The following TENM3 variants were observed in gnomAD, a reference collection of about 807,000 sequenced individuals.
TENM3 encodes teneurin transmembrane protein 3.
TENM3 carries 63 observed loss-of-function variants against 255.1 expected under a neutral mutation model. The observed-to-expected ratio is 0.25, with a 90% CI of 0.20 to 0.30. TENM3 has a LOEUF of 0.30. Among genes scored for constraint, TENM3 ranks in the 10% least tolerant of loss-of-function variants. The probability of loss-of-function intolerance (pLI) is 1.00; values close to 1 mark genes in which losing one functional copy is unlikely to be tolerated. For synonymous variants in TENM3, 1,306 were observed against 1,322.3 expected (o/e 0.99, Z 0.27); for missense variants, 2,929 against 3,461.1 (o/e 0.85, Z 3.86).
chr4:181,672,637 A>G, the TENM3 span, among the ~76,000 whole-genome samples: 3 of 151,684 alleles, frequency 2.0e-5, no homozygotes, highest in African/African-American at 4.9e-5. Flanking sequence ...TGTTAGCATG[A>G]TGTGTTTTCA....
intron 6 of TENM3, among the ~76,000 whole-genome samples, chr4:182,667,805 G>C (rs927837197): frequency 6.6e-6 from 1 of 151,710 alleles, no homozygotes; most frequent in Admixed American, 6.6e-5. Context: ...ATCATGGGGT[G>C]GGGGGAGTGG....
chr4:182,640,044 C>T (rs1351403614), intron 5 of TENM3, among the ~76,000 whole-genome samples: 1 of 152,160 alleles, frequency 6.6e-6, no homozygotes, highest in Non-Finnish European at 1.5e-5. Context: ...GAGCTGAGAT[C>T]GTGCCACTGC....
the TENM3 span, among the ~76,000 whole-genome samples, chr4:182,089,531 A>G: frequency 6.6e-6 from 1 of 152,202 alleles, no homozygotes; most frequent in Non-Finnish European, 1.5e-5. Flanking sequence ...GCTGGCCACA[A>G]TAATTAACAA....
the TENM3 span, among the ~76,000 whole-genome samples, chr4:182,128,609 A>C: frequency 2.0e-5 from 3 of 152,216 alleles, no homozygotes; most frequent in Non-Finnish European, 4.4e-5. Flanking sequence ...TTATTAACTT[A>C]CTGTTCTTTT....
chr4:182,547,649 A>C (rs1334723759), intron 3 of TENM3, among the ~76,000 whole-genome samples: 40 of 152,094 alleles, frequency 2.6e-4, no homozygotes. Flanking sequence ...AGTTCTATCC[A>C]ATGCTCACTC....
At chr4:182,577,199 G>C (rs1745016113) in intron 3 of TENM3, among the ~76,000 whole-genome samples, 1 of 152,184 alleles carries the variant, frequency 6.6e-6, no homozygotes, top group Admixed American at 6.6e-5. Flanking sequence ...TCATCTCTTA[G>C]ATTATTTACC....
chr4:182,696,285 G>A (rs1056611363), intron 12 of TENM3, among the ~76,000 whole-genome samples: 20 of 152,156 alleles, frequency 1.3e-4, no homozygotes, highest in South Asian at 4.2e-4. Flanking sequence ...GTAAACTATC[G>A]CATAGAATAT....
chr4:181,701,427 G>A, the TENM3 span, among the ~76,000 whole-genome samples: 1 of 152,318 alleles, frequency 6.6e-6, no homozygotes, highest in African/African-American at 2.4e-5. Flanking sequence ...ATTTAGCCAT[G>A]AGCTCACACT....
At chr4:182,095,111 GTA>G in the TENM3 span, among the ~76,000 whole-genome samples, 1 of 152,208 alleles carries the variant, frequency 6.6e-6, no homozygotes, top group Non-Finnish European at 1.5e-5. Flanking sequence ...GTGGAAAACA[GTA>G]TGGAGATTCC....
the TENM3 span, among the ~76,000 whole-genome samples, chr4:181,448,960 T>C: frequency 2.6e-5 from 4 of 152,130 alleles, no homozygotes; most frequent in Non-Finnish European, 4.4e-5. Flanking sequence ...ACCCTCTGAG[T>C]GTTCAACTAT....
chr4:182,456,949 G>A (rs898474641), intron 3 of TENM3, among the ~76,000 whole-genome samples: 12 of 152,104 alleles, frequency 7.9e-5, no homozygotes, highest in Non-Finnish European at 1.8e-4. Context: ...TTGGGAGGCC[G>A]AGGCAAGTGG....
the TENM3 span, among the ~76,000 whole-genome samples, chr4:181,590,125 A>G: frequency 6.6e-6 from 1 of 152,166 alleles, no homozygotes; most frequent in Admixed American, 6.5e-5. Context: ...TCGTACCCAC[A>G]AGTCCTTTTA....
At chr4:181,778,450 G>A in the TENM3 span, among the ~76,000 whole-genome samples, 14 of 152,078 alleles carry the variant, frequency 9.2e-5, no homozygotes, top group Admixed American at 3.9e-4. Context: ...GATGAAGAAC[G>A]GGAAAACTTA....
chr4:182,746,674 T>C (rs1762033892), intron 19 of TENM3, among the ~76,000 whole-genome samples: 1 of 152,180 alleles, frequency 6.6e-6, no homozygotes, highest in Non-Finnish European at 1.5e-5. Context: ...GAGTTCAAAA[T>C]GATTGAACAT....
At chr4:181,515,534 C>T in the TENM3 span, among the ~76,000 whole-genome samples, 6 of 151,874 alleles carry the variant, frequency 4.0e-5, no homozygotes, top group Non-Finnish European at 7.4e-5. Flanking sequence ...ATATCAGAGT[C>T]GAGTCCCAAA....
At chr4:181,495,563 GA>G in the TENM3 span, among the ~76,000 whole-genome samples, 9 of 148,324 alleles carry the variant, frequency 6.1e-5, no homozygotes, top group African/African-American at 2.2e-4. Context: ...ACACGAGAGA[GA>G]GAGAGAGAGA....
At chr4:181,642,071 A>G in the TENM3 span, among the ~76,000 whole-genome samples, 2 of 151,720 alleles carry the variant, frequency 1.3e-5, no homozygotes, top group East Asian at 2.0e-4. Context: ...TGATTGAACT[A>G]ATTTACACTC....
At chr4:182,232,430 A>G (rs1267037499) in intron 1 of TENM3, among the ~76,000 whole-genome samples, 1 of 152,200 alleles carries the variant, frequency 6.6e-6, no homozygotes, top group African/African-American at 2.4e-5. Context: ...TCCAGACATT[A>G]AAGACATATA....
At chr4:182,525,939 A>G (rs1739116191) in intron 3 of TENM3, among the ~76,000 whole-genome samples, 1 of 152,208 alleles carries the variant, frequency 6.6e-6, no homozygotes, top group Admixed American at 6.5e-5. Flanking sequence ...AATGCCTGAC[A>G]CAGGTTTTCC....
Sources: allele counts gnomAD v4.1 joint callset (sites outside exome capture counted in the v4.1 genomes callset), GRCh38; gene constraint gnomAD v4.1.1; transcripts MANE v1.5; gene names NCBI Gene and HGNC (gene_info 2026-07-23, HGNC 2026-07-21).